Variants in LUZP2 observed in about 807,000 individuals in gnomAD.
The protein encoded by LUZP2 is leucine zipper protein 2.
LUZP2 carries 52 observed loss-of-function variants against 51.6 expected under a neutral mutation model. That is an observed-to-expected ratio of 1.01 (90% confidence interval 0.81 to 1.27). The LOEUF (loss-of-function observed/expected upper bound fraction) is 1.27. Ranked by LOEUF, LUZP2 falls within the 50% of genes most tolerant of loss-of-function variation. The pLI is 0.00. For synonymous variants in LUZP2, 154 were observed against 137.3 expected, an observed-to-expected ratio of 1.12 and a Z score of -0.85; for missense variants, 436 against 395.4, an observed-to-expected ratio of 1.10 and a Z score of -0.87.
rs541603368 is a variant in LUZP2, at chr11:25,008,088, A to C, written c.765+24795A>C. Among the ~76,000 whole-genome samples the C allele has an allele frequency of 7.2e-5, 11 of 152,304 alleles. 1 individual carries two copies. Among genetic ancestry groups the C allele is most frequent in the African/African-American group, 2.6e-4 (11 of 41,580 alleles). ...TTGCAAGATGGAAATCTGTGTGACC[A>C]GTCGTGTCCTTACCTGGGCTTGGCT... On this transcript the variant is annotated intron_variant, in intron 9 of 11. Coordinates refer to ENST00000336930, the MANE Select transcript of LUZP2 (RefSeq NM_001009909.4).
chr11:24,686,981 G>GT (rs1856914637), intron 1 of LUZP2, among the ~76,000 whole-genome samples: 2 of 152,074 alleles, frequency 1.3e-5, no homozygotes, highest in African/African-American at 4.8e-5. Flanking sequence ...GTGCCCCAAG[G>GT]CGACCAGCAG....
At chr11:24,975,531 C>CA in intron 7 of LUZP2, among the ~76,000 whole-genome samples, 1 of 152,078 alleles carries the variant, frequency 6.6e-6, no homozygotes, top group Middle Eastern at 3.4e-3. Flanking sequence ...AGAGATTAAT[C>CA]AAAGGATGAA....
chr11:24,721,507 T>G (rs1167613141), intron 1 of LUZP2, among the ~76,000 whole-genome samples: 3 of 152,132 alleles, frequency 2.0e-5, no homozygotes, highest in Non-Finnish European at 2.9e-5. Context: ...TGATAATAAA[T>G]TAGGATATAG....
intron 5 of LUZP2, among the ~76,000 whole-genome samples, chr11:24,840,536 A>G (rs1850996093): frequency 6.6e-6 from 1 of 151,934 alleles, no homozygotes; most frequent in South Asian, 2.1e-4. Flanking sequence ...ATGACCAAAG[A>G]ATAATCTATG....
intron 5 of LUZP2, among the ~76,000 whole-genome samples, chr11:24,844,682 G>A (rs1851144249): frequency 6.6e-6 from 1 of 152,028 alleles, no homozygotes; most frequent in Non-Finnish European, 1.5e-5. Flanking sequence ...TGTGTGCCAG[G>A]CCCAGGGTCC....
chr11:25,054,403 A>G (rs2134028631), intron 10 of LUZP2, among the ~76,000 whole-genome samples: 1 of 152,156 alleles, frequency 6.6e-6, no homozygotes, highest in South Asian at 2.1e-4. Flanking sequence ...CTGTTTAAGC[A>G]CACTGATTTT....
At chr11:24,680,370 G>T (rs1856694185) in intron 1 of LUZP2, among the ~76,000 whole-genome samples, 1 of 152,116 alleles carries the variant, frequency 6.6e-6, no homozygotes, top group South Asian at 2.1e-4. Flanking sequence ...GATTGCCCTA[G>T]GTCCTCTCCA....
At chr11:24,688,096 C>G (rs1263058099) in intron 1 of LUZP2, among the ~76,000 whole-genome samples, 2 of 152,058 alleles carry the variant, frequency 1.3e-5, no homozygotes, top group African/African-American at 2.4e-5. Flanking sequence ...CAGGTATATT[C>G]TCTTTTTCAG....
At chr11:24,983,987 A>G (rs537464264) in intron 9 of LUZP2, among the ~76,000 whole-genome samples, 2 of 151,836 alleles carry the variant, frequency 1.3e-5, no homozygotes, top group African/African-American at 2.4e-5. Context: ...TTTTGTTTCA[A>G]TCTTCAAAAA....
At chr11:24,734,056 GA>G (rs1450427579) in intron 3 of LUZP2, among the ~76,000 whole-genome samples, 2 of 151,718 alleles carry the variant, frequency 1.3e-5, no homozygotes, top group Non-Finnish European at 2.9e-5. Flanking sequence ...TATAATTAAA[GA>G]AATCTTTTAG....
intron 5 of LUZP2, among the ~76,000 whole-genome samples, chr11:24,805,040 A>C (rs1849813145): frequency 6.7e-6 from 1 of 149,218 alleles, no homozygotes; most frequent in African/African-American, 2.5e-5. Context: ...TAGTAGAGAC[A>C]GGATGTATTA....
intron 5 of LUZP2, among the ~76,000 whole-genome samples, chr11:24,827,254 G>A (rs545227796): frequency 9.4e-4 from 143 of 152,150 alleles, no homozygotes; most frequent in Non-Finnish European, 1.9e-3. Context: ...TCAAACCAGA[G>A]TGGGTCAGAA....
At chr11:24,832,127 C>T (rs1564957959) in intron 5 of LUZP2, 1 of 152,038 alleles carries the variant, frequency 6.6e-6, no homozygotes, top group African/African-American at 2.4e-5. Context: ...AAGCAGGATA[C>T]TTGCTATAAT....
intron 1 of LUZP2, among the ~76,000 whole-genome samples, chr11:24,712,090 A>G (rs1333881527): frequency 6.6e-6 from 1 of 152,208 alleles, no homozygotes; most frequent in Non-Finnish European, 1.5e-5. Context: ...GTATTCAGGA[A>G]CTATTGAAAT....
At chr11:25,032,668 T>G (rs939435702) in intron 9 of LUZP2, among the ~76,000 whole-genome samples, 1 of 152,106 alleles carries the variant, frequency 6.6e-6, no homozygotes, top group African/African-American at 2.4e-5. Context: ...CAAATAGCAT[T>G]GATAAAATTC....
chr11:24,961,805 T>G (rs1284332926), intron 7 of LUZP2, among the ~76,000 whole-genome samples: 4 of 149,910 alleles, frequency 2.7e-5, no homozygotes, highest in Admixed American at 6.7e-5. Context: ...GTTAGCTGGT[T>G]ATTTTGCTCG....
At chr11:24,835,791 T>C (rs1025286278) in intron 5 of LUZP2, among the ~76,000 whole-genome samples, 5 of 152,060 alleles carry the variant, frequency 3.3e-5, no homozygotes, top group Admixed American at 1.3e-4. Context: ...AATTCCTTAA[T>C]ATAGAACATA....
At chr11:25,009,050 A>T (rs1276771293) in intron 9 of LUZP2, among the ~76,000 whole-genome samples, 1 of 152,168 alleles carries the variant, frequency 6.6e-6, no homozygotes, top group Non-Finnish European at 1.5e-5. Context: ...TAGCACTGTC[A>T]TAAACACTAA....
chr11:24,898,100 G>A lies in LUZP2; in HGVS notation c.397-7891G>A, dbSNP rs148410628. Among the ~76,000 whole-genome samples the A allele has an allele frequency of 2.0e-3, 300 of 152,216 alleles. 2 individuals carry two copies. The highest frequency in any genetic ancestry group is 6.8e-3 in the African/African-American group (282 of 41,544). ...CTATTGAGAAGAAAAAAACTGGAAT[G>A]TATTTTCAAAATTGTACAACTCCTA... On this transcript the variant is annotated intron_variant, in intron 5 of 11. Coordinates refer to ENST00000336930, the MANE Select transcript of LUZP2 (RefSeq NM_001009909.4).
Sources: allele counts gnomAD v4.1 joint callset (sites outside exome capture counted in the v4.1 genomes callset), GRCh38; gene constraint gnomAD v4.1.1; transcripts MANE v1.5; gene names NCBI Gene and HGNC (gene_info 2026-07-23, HGNC 2026-07-21).